The following RILPL2 variants were observed in gnomAD, a reference collection of about 807,000 sequenced individuals.
RILPL2 encodes RILP-like protein 2.
A neutral mutation model predicts 22.2 loss-of-function variants in RILPL2; 19 were observed. That is an observed-to-expected ratio of 0.86 (90% CI 0.60 to 1.25). The LOEUF (loss-of-function observed/expected upper bound fraction) is 1.25. RILPL2 is among the 50% of genes most tolerant of loss of function. The pLI, the probability that RILPL2 is intolerant of heterozygous loss-of-function variation, is 0.00. For missense variants in RILPL2, 243 were observed against 263.6 expected, an observed-to-expected ratio of 0.92 and a Z score of 0.54; for synonymous variants, 123 against 111.6, an observed-to-expected ratio of 1.10 and a Z score of -0.64.
downstream of RILPL2, chr12:123,410,800 G>A (rs987696164): frequency 6.6e-6 from 1 of 152,020 alleles, no homozygotes; most frequent in African/African-American, 2.4e-5. Flanking sequence ...TAAAAATTTG[G>A]CTAGCTTCTA....
chr12:123,425,380 T>C (rs953255125), intron 2 of RILPL2, among the ~76,000 whole-genome samples: 6 of 151,884 alleles, frequency 4.0e-5, no homozygotes, highest in African/African-American at 1.5e-4. Context: ...GGTTTCACCA[T>C]GTTGGCCACG....
chr12:123,429,756 G>A (rs1029490265), intron 2 of RILPL2, among the ~76,000 whole-genome samples: 2 of 151,738 alleles, frequency 1.3e-5, no homozygotes, highest in African/African-American at 4.8e-5. Flanking sequence ...ATAGGCATGA[G>A]CCACCATGCC....
intron 3 of RILPL2, among the ~76,000 whole-genome samples, chr12:123,419,270 G>A (rs368688411): frequency 1.4e-4 from 21 of 152,022 alleles, no homozygotes; most frequent in African/African-American, 3.6e-4. Context: ...TGATCTGCCC[G>A]CCTCGGCCTC....
At chr12:123,433,978 C>G in intron 1 of RILPL2, among the ~76,000 whole-genome samples, 1 of 152,164 alleles carries the variant, frequency 6.6e-6, no homozygotes, top group Non-Finnish European at 1.5e-5. Context: ...AATTACTTAA[C>G]TGTTCTGTGC....
intron 1 of RILPL2, among the ~76,000 whole-genome samples, chr12:123,432,505 CA>C (rs1879680626): frequency 6.6e-6 from 1 of 152,072 alleles, no homozygotes; most frequent in Non-Finnish European, 1.5e-5. Context: ...GACCCTGTCT[CA>C]AAACATACAA....
intron 3 of RILPL2, among the ~76,000 whole-genome samples, chr12:123,418,055 C>T (rs1879167900): frequency 6.6e-6 from 1 of 152,094 alleles, no homozygotes; most frequent in Non-Finnish European, 1.5e-5. Context: ...GAGATCCTCC[C>T]AAGTAGCTGG....
intron 2 of RILPL2, among the ~76,000 whole-genome samples, chr12:123,424,495 C>A (rs1879378467): frequency 6.6e-6 from 1 of 152,034 alleles, no homozygotes; most frequent in African/African-American, 2.4e-5. Context: ...CCACGCCTGG[C>A]TAATTTTGTA....
chr12:123,417,487 A>G (rs1162361559), intron 3 of RILPL2, among the ~76,000 whole-genome samples: 1 of 152,086 alleles, frequency 6.6e-6, no homozygotes, highest in Non-Finnish European at 1.5e-5. Flanking sequence ...AGCACCAGAA[A>G]GAATCCACGT....
At chr12:123,434,426 CTTT>C (rs745940516) in intron 1 of RILPL2, among the ~76,000 whole-genome samples, 2 of 141,290 alleles carry the variant, frequency 1.4e-5, no homozygotes, top group Admixed American at 7.2e-5. Context: ...GCAAAAAAGA[CTTT>C]TTTTTTTTTT....
In RILPL2 at chr12:123,434,415, C is replaced by T. The variant is rs536273588; in HGVS notation, c.339+1667G>A. 4.7e-4 allele frequency among the ~76,000 whole-genome samples: 71 copies of T among 151,096 alleles called. 1 individual carries two copies. The highest frequency in any genetic ancestry group is 4.2e-4 in the South Asian group (2 of 4,766). Reference sequence around the variant, plus strand: ...CCTGGATGACAGAGAAAGCTGTCCCCGCAAAAAAGACTTTTTTTTTTTTTT... The same window carrying T: ...CCTGGATGACAGAGAAAGCTGTCCCTGCAAAAAAGACTTTTTTTTTTTTTT... On this transcript the variant is annotated intron_variant, in intron 1 of 3. Transcript: ENST00000280571.
intron 2 of RILPL2, among the ~76,000 whole-genome samples, chr12:123,426,367 T>C (rs1435675348): frequency 6.6e-6 from 1 of 151,906 alleles, no homozygotes; most frequent in Non-Finnish European, 1.5e-5. Context: ...CAGGCTGGTG[T>C]TGATTGAACT....
At chr12:123,420,048 A>T (rs1261180244) in intron 3 of RILPL2, among the ~76,000 whole-genome samples, 1 of 110,446 alleles carries the variant, frequency 9.1e-6, no homozygotes. Flanking sequence ...TTTTTGAGAC[A>T]GAGTCTTGCT....
rs568509983 is a variant in RILPL2 at position 123,415,699 on chromosome 12, G to T, written c.*192C>A. 19 of 698,026 alleles carry T rather than the reference G, an allele frequency of 2.7e-5. No individual in the cohort carries two copies. Among genetic ancestry groups the T allele is most frequent in the Non-Finnish European group, 4.1e-5 (16 of 386,816 alleles). The allele number at this position is 698,026 out of a possible 1,614,324, so 43.2% of individuals were successfully genotyped here. A position where few individuals can be genotyped will look rare whatever the true frequency, so the allele number is the denominator to read the frequency against. ...CACTGGCCCAGGCCAAATCTTCAAGGGTGTCTAGTTCTGCAGCCAGGGAGA... is the reference window on the plus strand; with the variant it reads ...CACTGGCCCAGGCCAAATCTTCAAGTGTGTCTAGTTCTGCAGCCAGGGAGA... On this transcript the variant is annotated 3_prime_UTR_variant, in exon 4 of 4. Transcript: ENST00000280571.
At chr12:123,429,873 G>A (rs1879566498) in intron 2 of RILPL2, among the ~76,000 whole-genome samples, 1 of 151,548 alleles carries the variant, frequency 6.6e-6, no homozygotes, top group Non-Finnish European at 1.5e-5. Flanking sequence ...CCAGCACTTT[G>A]GGGAGGCTGA....
chr12:123,435,971 G>T, intron 1 of RILPL2, 111 bp downstream of exon 1: 2 of 1,407,424 alleles, frequency 1.4e-6, no homozygotes, highest in East Asian at 2.5e-5. Flanking sequence ...CTTAAAAAAA[G>T]AAAAAAGAGA....
chr12:123,422,912 T>C (rs1879323398), intron 3 of RILPL2, 132 bp downstream of exon 3: 2 of 657,622 alleles, frequency 3.0e-6, no homozygotes, highest in African/African-American at 1.8e-5. Context: ...AGTTTTCCCA[T>C]GGGCTGCAGC....
chr12:123,433,743 CTG>C (rs1190130310), intron 1 of RILPL2, among the ~76,000 whole-genome samples: 2 of 152,090 alleles, frequency 1.3e-5, no homozygotes, highest in Non-Finnish European at 2.9e-5. Context: ...GGTTCTAGGA[CTG>C]TGTGTCTGAC....
At chr12:123,428,011 G>A (rs559343279) in intron 2 of RILPL2, among the ~76,000 whole-genome samples, 25 of 152,334 alleles carry the variant, frequency 1.6e-4, no homozygotes, top group African/African-American at 3.6e-4. Flanking sequence ...GAAAGTGTGC[G>A]TCTCTTGTTC....
intron 2 of RILPL2, among the ~76,000 whole-genome samples, chr12:123,430,051 G>A (rs1033929402): frequency 7.0e-6 from 1 of 143,788 alleles, no homozygotes; most frequent in Non-Finnish European, 1.5e-5. Context: ...ATGAGACAGA[G>A]GTTGCAGTGA....
Sources: gnomAD v4.1 joint callset for allele counts (sites outside exome capture counted in the v4.1 genomes callset) on GRCh38, gnomAD v4.1.1 for gene constraint, MANE v1.5 for transcripts, NCBI Gene and HGNC (gene_info 2026-07-23, HGNC 2026-07-21) for gene names.